MET: variants seen among roughly 807,000 people sequenced by gnomAD.
The protein encoded by MET is hepatocyte growth factor receptor.
In MET, 48 loss-of-function variants were observed where a neutral mutation model predicts 133.1. The ratio of observed to expected loss-of-function variants is 0.36; its 90% CI spans 0.29 to 0.46. MET has a LOEUF of 0.46. Among genes scored for constraint, MET ranks in the 20% least tolerant of loss-of-function variants. MET has a pLI of 1.00. For synonymous variants in MET, 628 were observed against 616.5 expected (o/e 1.02, Z -0.28); for missense variants, 1,442 against 1,695.9 (o/e 0.85, Z 2.63).
At chr7:116,754,845 A>T (rs1270681698) in intron 5 of MET, among the ~76,000 whole-genome samples, 1 of 149,614 alleles carries the variant, frequency 6.7e-6, no homozygotes, top group Non-Finnish European at 1.5e-5. Context: ...AGAAGGAAGA[A>T]AGGAAGGGAG....
chr7:116,791,888 A>C (rs1454569952), intron 19 of MET, among the ~76,000 whole-genome samples: 2 of 152,142 alleles, frequency 1.3e-5, no homozygotes, highest in South Asian at 4.1e-4. Flanking sequence ...TCCTGACTTC[A>C]AGTGATCCGC....
intron 2 of MET, among the ~76,000 whole-genome samples, chr7:116,724,423 CG>C (rs1792653883): frequency 6.6e-6 from 1 of 152,192 alleles, no homozygotes; most frequent in Non-Finnish European, 1.5e-5. Context: ...AGAAATCACC[CG>C]TCTTCTGCGT....
chr7:116,718,366 C>T (rs560808755), intron 2 of MET, among the ~76,000 whole-genome samples: 3 of 151,398 alleles, frequency 2.0e-5, no homozygotes, highest in South Asian at 2.1e-4. Context: ...CCAGCCTCGG[C>T]GACAGAGCTA....
At chr7:116,703,986 C>A (rs911494024) in intron 2 of MET, among the ~76,000 whole-genome samples, 2 of 152,046 alleles carry the variant, frequency 1.3e-5, no homozygotes, top group Non-Finnish European at 2.9e-5. Flanking sequence ...TTTGAAAGAC[C>A]TGTAGCAAGT....
chr7:116,716,282 A>AGG lies in MET; in HGVS notation c.1201-15384_1201-15383dup, dbSNP rs200945141. Among the ~76,000 whole-genome samples, 825 of 88,694 alleles carry AGG rather than the reference A, an allele frequency of 9.3e-3. 20 individuals are homozygous for AGG. Among genetic ancestry groups the AGG allele is most frequent in the African/African-American group, 0.036 (773 of 21,672 alleles). The allele number at this position is 88,694 out of a possible 152,430, so 58.2% of individuals were successfully genotyped here. A position where few individuals can be genotyped will look rare whatever the true frequency, so the allele number is the denominator to read the frequency against. ...GCAAGCAAGAGGGAAGGAGGGAGAGAGGGAGAGAGAGAGAGAGAGAGAGAG... is the reference window on the plus strand; with the variant it reads ...GCAAGCAAGAGGGAAGGAGGGAGAGAGGGGGAGAGAGAGAGAGAGAGAGAGAG... On this transcript the variant is annotated intron_variant, in intron 2 of 20. Transcript: ENST00000397752.
Position 116,699,348 on chromosome 7 carries a change from T to A in MET, c.264T>A (p.Pro88=), listed in dbSNP as rs2116584321. The A allele has an allele frequency of 6.2e-7, 1 of 1,614,052 alleles. No homozygotes were observed. Among genetic ancestry groups the A allele is most frequent in the Non-Finnish European group, 8.5e-7 (1 of 1,179,950 alleles). ...AGGTTGCTGAGTACAAGACTGGGCC[T>A]GTGCTGGAACACCCAGATTGTTTCC... ...LQKVAEYKTG[P]VLEHPDCFPC... Residue 88 remains proline (P), a synonymous_variant, in exon 2 of 21, where the codon CCT becomes CCA. Transcript: ENST00000397752.
At chr7:116,781,719 C>G (rs1248848645) in intron 17 of MET, among the ~76,000 whole-genome samples, 1 of 151,552 alleles carries the variant, frequency 6.6e-6, no homozygotes, top group Non-Finnish European at 1.5e-5. Flanking sequence ...AGGTGCACAC[C>G]ACCACACCAG....
intron 2 of MET, among the ~76,000 whole-genome samples, chr7:116,722,364 C>A (rs1792528199): frequency 6.6e-6 from 1 of 150,524 alleles, no homozygotes; most frequent in Non-Finnish European, 1.5e-5. Context: ...TTATTTTGAG[C>A]CTATGTGTGT....
chr7:116,765,849 G>T (rs902533713), intron 11 of MET, among the ~76,000 whole-genome samples: 1 of 152,174 alleles, frequency 6.6e-6, no homozygotes, highest in African/African-American at 2.4e-5. Flanking sequence ...GTAAACAAAG[G>T]TTTAGGAAGA....
chr7:116,704,716 G>C (rs896288143), intron 2 of MET, among the ~76,000 whole-genome samples: 1 of 152,030 alleles, frequency 6.6e-6, no homozygotes, highest in Non-Finnish European at 1.5e-5. Context: ...AAAGACAATT[G>C]AATCAAAACT....
intron 2 of MET, among the ~76,000 whole-genome samples, chr7:116,704,075 C>A (rs1238009134): frequency 6.6e-6 from 1 of 152,060 alleles, no homozygotes; most frequent in Non-Finnish European, 1.5e-5. Context: ...GCCAGACACA[C>A]CTGGGTGGAA....
chr7:116,737,273 T>A (rs1279957983), intron 3 of MET, among the ~76,000 whole-genome samples: 1 of 152,218 alleles, frequency 6.6e-6, no homozygotes, highest in African/African-American at 2.4e-5. Flanking sequence ...CTAGTAACAT[T>A]TTCTCTATGC....
intron 19 of MET, among the ~76,000 whole-genome samples, chr7:116,783,727 T>C (rs189861057): frequency 2.6e-5 from 4 of 152,350 alleles, no homozygotes; most frequent in Admixed American, 1.3e-4. Flanking sequence ...ATGAACCCTG[T>C]CGGCCAAGAA....
chr7:116,775,127 C>G lies in MET; in HGVS notation c.3259+16C>G, dbSNP rs1465914503. 20 of 1,611,242 alleles carry G rather than the reference C, an allele frequency of 1.2e-5. No homozygotes were observed. Among genetic ancestry groups the G allele is most frequent in the Non-Finnish European group, 1.5e-5 (18 of 1,177,370 alleles). On this transcript the variant is annotated intron_variant, in intron 15 of 20. Coordinates refer to ENST00000397752, the MANE Select transcript of MET (RefSeq NM_000245.4). ...ATAGGAAGAGGTAAGTATTTCCACT[C>G]AGCTTTTTGTTAAATACGATTTTCC...
intron 1 of MET, among the ~76,000 whole-genome samples, chr7:116,674,040 T>C (rs1324778341): frequency 6.6e-6 from 1 of 152,210 alleles, no homozygotes; most frequent in Non-Finnish European, 1.5e-5. Context: ...TTCTATTCCG[T>C]TTTCAAACTT....
chr7:116,741,410 G>A (rs1793449716), intron 5 of MET, among the ~76,000 whole-genome samples: 1 of 152,166 alleles, frequency 6.6e-6, no homozygotes, highest in East Asian at 1.9e-4. Context: ...CCCACTCTCT[G>A]ATTCCTCGCC....
At chr7:116,723,465 G>A (rs1209387556) in intron 2 of MET, among the ~76,000 whole-genome samples, 1 of 152,176 alleles carries the variant, frequency 6.6e-6, no homozygotes, top group Admixed American at 6.5e-5. Context: ...ATCATCTGAA[G>A]CCTTCTTCTC....
chr7:116,770,379 G>A (rs1201771940), intron 12 of MET, among the ~76,000 whole-genome samples: 2 of 152,088 alleles, frequency 1.3e-5, no homozygotes, highest in Admixed American at 1.3e-4. Context: ...ATGGGTTTCA[G>A]TATATTATAT....
chr7:116,768,343 A>C (rs1794707357), intron 11 of MET, among the ~76,000 whole-genome samples: 1 of 152,106 alleles, frequency 6.6e-6, no homozygotes, highest in Non-Finnish European at 1.5e-5. Context: ...ATTCCCTCCA[A>C]TATGTGGATA....
Sources: allele counts gnomAD v4.1 joint callset (sites outside exome capture counted in the v4.1 genomes callset), GRCh38; gene constraint gnomAD v4.1.1; transcripts MANE v1.5; gene names NCBI Gene and HGNC (gene_info 2026-07-23, HGNC 2026-07-21).